FSTL4: variants seen among roughly 807,000 people sequenced by gnomAD.
The protein encoded by FSTL4 is follistatin-related protein 4.
FSTL4 carries 28 observed loss-of-function variants against 78.2 expected under a neutral mutation model. That is an observed-to-expected ratio of 0.36 (90% confidence interval 0.27 to 0.49). The LOEUF is 0.49. Ranked by LOEUF, FSTL4 falls within the 20% of genes least tolerant of loss-of-function variation. FSTL4 has a pLI of 0.98. For missense variants in FSTL4, 922 were observed against 1,084.9 expected (o/e 0.85, Z 2.11); for synonymous variants, 422 against 440.5 (o/e 0.96, Z 0.53).
At chr5:133,212,479 C>T (rs1473745910) in intron 13 of FSTL4, among the ~76,000 whole-genome samples, 1 of 152,230 alleles carries the variant, frequency 6.6e-6, no homozygotes, top group East Asian at 1.9e-4. Context: ...AGCTTCAACT[C>T]AGTCTCTACT....
chr5:133,446,813 GTCCTCCCCAGC>G (rs1002646378), intron 3 of FSTL4, among the ~76,000 whole-genome samples: 9 of 152,256 alleles, frequency 5.9e-5, no homozygotes, highest in African/African-American at 1.9e-4. Flanking sequence ...CCTCTCCCCG[GTCCTCCCCAGC>G]TCTGTGGCTC....
intron 13 of FSTL4, among the ~76,000 whole-genome samples, chr5:133,214,935 C>T (rs558858290): frequency 9.2e-5 from 14 of 152,326 alleles, no homozygotes; most frequent in South Asian, 4.1e-4. Context: ...CATTTACTCA[C>T]CTTTACAGCA....
At chr5:133,571,272 T>C (rs1760148963) in intron 2 of FSTL4, among the ~76,000 whole-genome samples, 1 of 152,196 alleles carries the variant, frequency 6.6e-6, no homozygotes, top group Non-Finnish European at 1.5e-5. Flanking sequence ...TAGATAAAGA[T>C]GATATTCCAG....
At position 133,220,797 on chromosome 5, in the gene FSTL4, C is replaced by T. The variant is rs1284458943; in HGVS notation, c.1409G>A (p.Cys470Tyr). 4.3e-6 allele frequency: 7 copies of T among 1,611,872 alleles called. No individual in the cohort carries two copies. The highest frequency in any genetic ancestry group is 5.9e-6 in the Non-Finnish European group (7 of 1,177,906). ...DGIIVIHPVD[C>Y]EIQRHLKPTE... The stretch of plus-strand genomic sequence containing the variant: ...GGGTTTGAGGTGCCTCTGGATCTCA[C>T]AGTCCACAGGATGGATGACGATGAT... Residue 470 changes from cysteine to tyrosine, a missense_variant, in exon 12 of 16, where the codon TGT (cysteine) becomes TAT (tyrosine). Physicochemically the swap from Cys to Tyr is radical, Grantham distance 194 (BLOSUM62 -2). Transcript: ENST00000265342.
intron 3 of FSTL4, among the ~76,000 whole-genome samples, chr5:133,515,348 C>T (rs1758831709): frequency 6.6e-6 from 1 of 150,852 alleles, no homozygotes; most frequent in South Asian, 2.1e-4. Flanking sequence ...GCCATGATCA[C>T]ACCACTGCAC....
chr5:133,537,565 T>C (rs1035682221), intron 3 of FSTL4, among the ~76,000 whole-genome samples: 6 of 152,094 alleles, frequency 3.9e-5, no homozygotes, highest in South Asian at 2.1e-4. Context: ...CTCTTTCAAA[T>C]TTTCATATTG....
chr5:133,617,774 T>C, the FSTL4 span, among the ~76,000 whole-genome samples: 3 of 152,108 alleles, frequency 2.0e-5, no homozygotes, highest in Non-Finnish European at 4.4e-5. Context: ...GTAAGAGTGG[T>C]GACTTTTCAA....
At chr5:133,758,087 CA>C in the FSTL4 span, among the ~76,000 whole-genome samples, 3 of 152,142 alleles carry the variant, frequency 2.0e-5, no homozygotes, top group African/African-American at 7.2e-5. Context: ...AAAGCAGTAG[CA>C]GCAAATACTT....
the FSTL4 span, among the ~76,000 whole-genome samples, chr5:133,673,970 A>T: frequency 2.0e-5 from 3 of 152,200 alleles, no homozygotes; most frequent in Non-Finnish European, 4.4e-5. Flanking sequence ...TGCCTTAATA[A>T]TGAGTAGTCT....
At chr5:133,474,379 C>T (rs936855561) in intron 3 of FSTL4, among the ~76,000 whole-genome samples, 3 of 152,196 alleles carry the variant, frequency 2.0e-5, no homozygotes, top group East Asian at 1.9e-4. Flanking sequence ...CAGCACCCCC[C>T]GGAACACAGG....
the FSTL4 span, among the ~76,000 whole-genome samples, chr5:133,659,074 T>C: frequency 6.6e-6 from 1 of 152,154 alleles, no homozygotes; most frequent in East Asian, 1.9e-4. Flanking sequence ...TTGTTCTATA[T>C]GCATATGAAA....
At chr5:133,769,990 A>G in the FSTL4 span, among the ~76,000 whole-genome samples, 1 of 152,120 alleles carries the variant, frequency 6.6e-6, no homozygotes, top group Non-Finnish European at 1.5e-5. Flanking sequence ...CACTTAGGGT[A>G]ATGGCCTCCA....
the FSTL4 span, among the ~76,000 whole-genome samples, chr5:133,687,613 C>A: frequency 1.4e-4 from 22 of 152,274 alleles, no homozygotes; most frequent in Middle Eastern, 3.4e-3. Context: ...AGGAATGCCT[C>A]CAAATTCAAA....
the FSTL4 span, among the ~76,000 whole-genome samples, chr5:133,653,922 G>A: frequency 6.6e-6 from 1 of 152,294 alleles, no homozygotes; most frequent in Non-Finnish European, 1.5e-5. Context: ...AGAACAGAAG[G>A]TTCATTATTC....
the FSTL4 span, among the ~76,000 whole-genome samples, chr5:133,635,256 A>G: frequency 0.012 from 1,828 of 152,328 alleles, 15 homozygotes; most frequent in Non-Finnish European, 0.018. Context: ...CAGACTCCAC[A>G]GGGAGTGAAT....
chr5:133,255,156 C>G (rs987403715), intron 6 of FSTL4, among the ~76,000 whole-genome samples: 14 of 152,196 alleles, frequency 9.2e-5, no homozygotes, highest in Non-Finnish European at 1.5e-4. Context: ...AGAGTGTGAT[C>G]AGGGGTCAGT....
intron 3 of FSTL4, among the ~76,000 whole-genome samples, chr5:133,448,094 GCTGAGAACACA>G (rs1297054377): frequency 2.6e-5 from 4 of 152,210 alleles, no homozygotes; most frequent in Non-Finnish European, 4.4e-5. Context: ...CACTTGAGAT[GCTGAGAACACA>G]CTTTAAATTA....
chr5:133,519,608 G>A (rs1319791211), intron 3 of FSTL4, among the ~76,000 whole-genome samples: 1 of 152,184 alleles, frequency 6.6e-6, no homozygotes, highest in Non-Finnish European at 1.5e-5. Flanking sequence ...AGTAATGATG[G>A]TGCCTGGGCC....
At chr5:133,616,555 C>T (rs1266816741), upstream of FSTL4, among the ~76,000 whole-genome samples, 1 of 152,028 alleles carries the variant, frequency 6.6e-6, no homozygotes, top group East Asian at 1.9e-4. Flanking sequence ...GCATGCACTA[C>T]CATACCCAGG....
Sources: allele counts gnomAD v4.1 joint callset (sites outside exome capture counted in the v4.1 genomes callset), GRCh38; gene constraint gnomAD v4.1.1; transcripts MANE v1.5; gene names NCBI Gene and HGNC (gene_info 2026-07-23, HGNC 2026-07-21).